Variants in RASGRF2 observed in about 807,000 individuals in gnomAD.
The protein encoded by RASGRF2 is ras-specific guanine nucleotide-releasing factor 2.
Under a neutral mutation model 151.0 loss-of-function variants are expected in RASGRF2, and 76 were observed. The ratio of observed to expected loss-of-function variants is 0.50; its 90% CI spans 0.42 to 0.61. The LOEUF (loss-of-function observed/expected upper bound fraction) is 0.61, where lower values mean the gene tolerates loss of function less well. Among genes scored for constraint, RASGRF2 ranks in the 20% least tolerant of loss-of-function variants. RASGRF2 has a pLI of 0.00. For missense variants in RASGRF2, 1,148 were observed against 1,564.6 expected (o/e 0.73, Z 4.49); for synonymous variants, 504 against 566.5 (o/e 0.89, Z 1.57).
chr5:81,099,894 ATTTTTCT>A (rs201731569), intron 12 of RASGRF2, among the ~76,000 whole-genome samples: 1,958 of 126,856 alleles, frequency 0.015, 28 homozygotes, highest in African/African-American at 0.042. Flanking sequence ...TTTTGTCACT[ATTTTTCT>A]TTTTTCTTTT....
At chr5:81,050,303 G>A (rs1205615624) in intron 2 of RASGRF2, among the ~76,000 whole-genome samples, 1 of 152,172 alleles carries the variant, frequency 6.6e-6, no homozygotes, top group Non-Finnish European at 1.5e-5. Context: ...TCTGCTGAAG[G>A]AATTCCGGGG....
At chr5:81,183,745 A>G (rs1754967067) in intron 18 of RASGRF2, among the ~76,000 whole-genome samples, 1 of 152,144 alleles carries the variant, frequency 6.6e-6, no homozygotes, top group South Asian at 2.1e-4. Flanking sequence ...AGCTCTGCCA[A>G]CTGTAGCTCC....
At chr5:81,011,236 T>A (rs1156489060) in intron 1 of RASGRF2, among the ~76,000 whole-genome samples, 2 of 152,236 alleles carry the variant, frequency 1.3e-5, no homozygotes, top group Admixed American at 6.5e-5. Flanking sequence ...ACTATTTTTT[T>A]TTATTGCCTG....
intron 17 of RASGRF2, among the ~76,000 whole-genome samples, chr5:81,159,198 T>C (rs1754326652): frequency 6.6e-6 from 1 of 152,260 alleles, no homozygotes; most frequent in Admixed American, 6.5e-5. Context: ...TGGGACATGC[T>C]ACAGCATGGA....
rs149436223 is a variant in RASGRF2 at position 81,200,661 on chromosome 5, G to A, written c.2794-669G>A. 4.1e-3 allele frequency among the ~76,000 whole-genome samples: 619 copies of A among 152,258 alleles called. 6 individuals carry two copies. Among genetic ancestry groups the A allele is most frequent in the Non-Finnish European group, 5.0e-3 (341 of 68,030 alleles). On this transcript the variant is annotated intron_variant, in intron 18 of 26. Transcript: ENST00000265080. ...GTCACAGTTACTGATCTTACTCATG[G>A]TCCAGAAAAAAGCCAGGCAATTAAA...
chr5:81,083,208 C>T (rs1408211639), intron 7 of RASGRF2, among the ~76,000 whole-genome samples: 5 of 151,660 alleles, frequency 3.3e-5, no homozygotes, highest in African/African-American at 4.8e-5. Flanking sequence ...AGTGGTACTT[C>T]TGCATGTTTG....
intron 17 of RASGRF2, among the ~76,000 whole-genome samples, chr5:81,172,409 G>A (rs1754676476): frequency 6.7e-6 from 1 of 150,366 alleles, no homozygotes; most frequent in South Asian, 2.1e-4. Flanking sequence ...CTGCTGAGCT[G>A]CTTTCCCTCG....
In RASGRF2 at chr5:81,008,567, G is replaced by A. The variant is rs115868001; in HGVS notation, c.289-34310G>A. Among the ~76,000 whole-genome samples, 872 of 152,278 alleles carry A rather than the reference G, an allele frequency of 5.7e-3. 5 individuals are homozygous for A. Among genetic ancestry groups the A allele is most frequent in the African/African-American group, 0.021 (852 of 41,558 alleles). ...CCTAATTTAGCTTTTCAGCTAAACT[G>A]TAATCTTCTTAAGATCAGTATATGT... On this transcript the variant is annotated intron_variant, in intron 1 of 26. Coordinates refer to ENST00000265080, the MANE Select transcript of RASGRF2 (RefSeq NM_006909.3).
At position 80,960,843 on chromosome 5, in the gene RASGRF2, G is replaced by C; in HGVS notation, c.105G>C (p.Glu35Asp). ...GCTTCCTGAGTAAGAAGACGGCCGAGGCGAGCCGCTGGCACGAGAAGTGGT... is the reference window on the plus strand; with the variant it reads ...GCTTCCTGAGTAAGAAGACGGCCGACGCGAGCCGCTGGCACGAGAAGTGGT... The part of the protein sequence containing the change: ...KRGFLSKKTA[E>D]ASRWHEKWFA... The change falls in exon 1 of 27, where the codon GAG becomes GAC. Residue 35 changes from glutamate to aspartate, a missense_variant. Glu to Asp is a conservative substitution (Grantham distance 45, BLOSUM62 2). Coordinates refer to ENST00000265080, the MANE Select transcript of RASGRF2 (RefSeq NM_006909.3). The surrounding 1 kb of genome is among the most constrained non-coding windows in gnomAD (Gnocchi z 5.5). 6.2e-7 allele frequency: 1 copy of C among 1,613,640 alleles called. No homozygotes were observed. Among genetic ancestry groups the C allele is most frequent in the Non-Finnish European group, 8.5e-7 (1 of 1,179,758 alleles).
intron 7 of RASGRF2, among the ~76,000 whole-genome samples, chr5:81,085,177 T>C (rs1752194278): frequency 6.6e-6 from 1 of 152,214 alleles, no homozygotes; most frequent in East Asian, 1.9e-4. Flanking sequence ...AGAAATTAGG[T>C]TGAATCTCTA....
chr5:81,090,566 C>T (rs562098071), intron 9 of RASGRF2, among the ~76,000 whole-genome samples: 1 of 152,224 alleles, frequency 6.6e-6, no homozygotes. Flanking sequence ...CATAGTGTTG[C>T]AATTTCTCAC....
At chr5:81,146,873 A>G (rs1201718499) in intron 17 of RASGRF2, among the ~76,000 whole-genome samples, 1 of 152,174 alleles carries the variant, frequency 6.6e-6, no homozygotes, top group African/African-American at 2.4e-5. Flanking sequence ...AATTATGTAC[A>G]AGCTTACTTG....
At chr5:80,979,589 A>T (rs1748233798) in intron 1 of RASGRF2, among the ~76,000 whole-genome samples, 1 of 152,172 alleles carries the variant, frequency 6.6e-6, no homozygotes. Context: ...TCACTAACTT[A>T]TGTTGCACTT....
intron 12 of RASGRF2, among the ~76,000 whole-genome samples, chr5:81,096,668 G>A (rs2112509298): frequency 6.6e-6 from 1 of 152,228 alleles, no homozygotes; most frequent in South Asian, 2.1e-4. Context: ...TAGCATGACT[G>A]GGGAGACATT....
chr5:81,118,581 A>G (rs1753222327), intron 15 of RASGRF2, among the ~76,000 whole-genome samples: 1 of 152,136 alleles, frequency 6.6e-6, no homozygotes, highest in African/African-American at 2.4e-5. Context: ...TACTCTCTTT[A>G]GTACTAATCT....
At chr5:80,977,840 G>C (rs1169940120) in intron 1 of RASGRF2, among the ~76,000 whole-genome samples, 1 of 152,190 alleles carries the variant, frequency 6.6e-6, no homozygotes, top group Admixed American at 6.5e-5. Context: ...TGAAAGTTTG[G>C]ATGCTACAGA....
At chr5:80,964,379 G>A (rs549092448) in intron 1 of RASGRF2, among the ~76,000 whole-genome samples, 9 of 152,088 alleles carry the variant, frequency 5.9e-5, no homozygotes, top group Non-Finnish European at 1.3e-4. Context: ...AGAAAGGGAA[G>A]TTGTATTTAG....
chr5:81,031,683 C>T (rs989089029), intron 1 of RASGRF2, among the ~76,000 whole-genome samples: 2 of 152,060 alleles, frequency 1.3e-5, no homozygotes, highest in African/African-American at 4.8e-5. Context: ...ACTAAATGCC[C>T]ACAAGAGAAA....
intron 15 of RASGRF2, among the ~76,000 whole-genome samples, chr5:81,117,013 C>A (rs926107615): frequency 2.6e-5 from 4 of 152,194 alleles, no homozygotes; most frequent in African/African-American, 9.7e-5. Context: ...GTGCAAATAT[C>A]TATTTGATAT....
Sources: allele counts gnomAD v4.1 joint callset (sites outside exome capture counted in the v4.1 genomes callset), GRCh38; gene constraint gnomAD v4.1.1; non-coding constraint Gnocchi (gnomAD v3.1); transcripts MANE v1.5; gene names NCBI Gene and HGNC (gene_info 2026-07-23, HGNC 2026-07-21).